HUWE1: variants seen among roughly 807,000 people sequenced by gnomAD.
HUWE1 encodes the protein HECT, UBA and WWE domain containing E3 ubiquitin protein ligase 1.
In HUWE1, 18 loss-of-function variants were observed where a neutral mutation model predicts 299.4. The observed-to-expected ratio is 0.06, with a 90% CI of 0.04 to 0.09. The LOEUF is 0.09. HUWE1 is among the 10% of genes least tolerant of loss of function. The pLI, the probability that HUWE1 is intolerant of heterozygous loss-of-function variation, is 1.00. For missense variants in HUWE1, 1,832 were observed against 3,462.3 expected, an observed-to-expected ratio of 0.53 and a Z score of 11.82; for synonymous variants, 1,317 against 1,286.1, an observed-to-expected ratio of 1.02 and a Z score of -0.51.
rs782797754 is a variant in HUWE1, at chrX:53,616,016, G to C, written c.1958-181C>G. On this transcript the variant is annotated intron_variant, in intron 21 of 83. Transcript: ENST00000262854. ...GTGTCACGATCTCCTGGACTCAAGC[G>C]ATCCTCCCACCTCAGCCCTCCAAGT... 3.6e-5 allele frequency among the ~76,000 whole-genome samples: 4 copies of C among 110,952 alleles called. No individual in the cohort carries two copies. In the South Asian group the frequency reaches 1.5e-3, roughly 43 times the overall value.
In HUWE1 at chrX:53,580,987, T is replaced by C. The variant is rs781894022; in HGVS notation, c.5560A>G (p.Thr1854Ala). ...AGGCTGCCAGACACAACACCAGAGG[T>C]AGTGCTACCAGCTCCACTTGTAGCT... ...SAATSGAGST[T>A]SGVVSGSLGS... Residue 1854 changes from threonine (T) to alanine (A), a missense_variant, in exon 43 of 84, where the codon ACC becomes GCC. This residue lies in a region of HUWE1 where 50 missense variants were observed against 114.9 expected (regional missense o/e 0.44). Coordinates refer to ENST00000262854, the MANE Select transcript of HUWE1 (RefSeq NM_031407.7). The C allele has an allele frequency of 5.0e-6, 6 of 1,207,420 alleles. No homozygotes were observed. The highest frequency in any genetic ancestry group is 3.5e-5 in the African/African-American group (2 of 56,986).
At chrX:53,672,001 C>G (rs1451411650) in intron 3 of HUWE1, among the ~76,000 whole-genome samples, 2 of 107,741 alleles carry the variant, frequency 1.9e-5, no homozygotes, top group Non-Finnish European at 3.8e-5. Flanking sequence ...TAAATAAATT[C>G]TGCATACAAT....
intron 25 of HUWE1, among the ~76,000 whole-genome samples, chrX:53,606,749 C>G (rs781787455): frequency 1.8e-5 from 2 of 111,303 alleles, no homozygotes; most frequent in African/African-American, 6.5e-5. Flanking sequence ...TTTTATGATC[C>G]CACTTATATA....
chrX:53,629,445 A>G (rs1279857958), intron 13 of HUWE1, 71 bp downstream of exon 13: 12 of 699,700 alleles, frequency 1.7e-5, no homozygotes, highest in Non-Finnish European at 2.5e-5. Context: ...CCCCCAAAAA[A>G]GTCTCAAATC....
Position 53,573,851 on chromosome X carries a change from T to G in HUWE1, c.6211A>C (p.Ile2071Leu), listed in dbSNP as rs782598182. 1 of 1,210,418 alleles carries G rather than the reference T, an allele frequency of 8.3e-7. No individual in the cohort carries two copies. Among genetic ancestry groups the G allele is most frequent in the Non-Finnish European group, 1.1e-6 (1 of 894,185 alleles). Reference protein sequence around the residue: ...GSKPLMPTSTILRLLAELVRS... With the variant: ...GSKPLMPTSTLLRLLAELVRS... ...ACCAACTCTGCCAGAAGACGAAGGA[T>G]AGTGGAGGTAGGCATTAAAGGTTTG... The change falls in exon 47 of 84, where the codon ATC (isoleucine) becomes CTC (leucine). Residue 2071 changes from isoleucine (I) to leucine (L), a missense_variant. Ile to Leu is a conservative substitution (Grantham distance 5). Transcript: ENST00000262854.
chrX:53,617,189 T>A (rs1011074148), intron 20 of HUWE1, 42 bp from the exon 21 acceptor site: 3 of 1,149,946 alleles, frequency 2.6e-6, no homozygotes, highest in Admixed American at 4.5e-5. Context: ...TCTAAAAGAG[T>A]GTAGATGCTA....
intron 39 of HUWE1, among the ~76,000 whole-genome samples, chrX:53,585,731 G>A (rs943681398): frequency 2.1e-4 from 24 of 111,786 alleles, no homozygotes; most frequent in African/African-American, 7.8e-4. Context: ...ACCTAGGCTG[G>A]AGTGCAGTGA....
In HUWE1 at chrX:53,638,354, C is replaced by CA. The variant is rs1305083040; in HGVS notation, c.505-4057dup. 7.1e-4 allele frequency among the ~76,000 whole-genome samples: 76 copies of CA among 106,473 alleles called. No individual in the cohort carries two copies. The South Asian group carries it at 7.9e-3, about 11-fold the overall frequency. The allele number at this position is 106,473 out of a possible 115,157, so 92.5% of individuals were successfully genotyped here. A position where few individuals can be genotyped will look rare whatever the true frequency, so the allele number is the denominator to read the frequency against. The stretch of plus-strand genomic sequence containing the variant: ...GACTCCGTCTCAAAAAAACAAAAAA[C>CA]AAAAAAAAAATACATAAGTAACTTC... On this transcript the variant is annotated intron_variant, in intron 7 of 83. Coordinates refer to ENST00000262854, the MANE Select transcript of HUWE1 (RefSeq NM_031407.7).
At chrX:53,662,561 C>T (rs2149442340) in intron 3 of HUWE1, among the ~76,000 whole-genome samples, 1 of 112,074 alleles carries the variant, frequency 8.9e-6, no homozygotes, top group African/African-American at 3.2e-5. Context: ...TAACAAGTAT[C>T]AACTGTAATT....
At position 53,624,638 on chromosome X, in the gene HUWE1, G is replaced by T. The variant is rs1557015414; in HGVS notation, c.1629C>A (p.Ile543=). Residue 543 remains isoleucine, a synonymous_variant, in exon 19 of 84, where the codon ATC becomes ATA. Transcript: ENST00000262854. ...DGSLPTSLKH[I]ISNAEYYGPS... ...GGCCATAGTATTCTGCATTGCTGAT[G>T]ATGTGTTTCAGGGAGGTAGGCAGAG... 8.3e-7 allele frequency: 1 copy of T among 1,206,247 alleles called. No individual in the cohort carries two copies. The highest frequency in any genetic ancestry group is 1.8e-5 in the South Asian group (1 of 56,869).
chrX:53,683,128 C>T (rs782654881), intron 2 of HUWE1, among the ~76,000 whole-genome samples: 6 of 111,284 alleles, frequency 5.4e-5, no homozygotes, highest in Admixed American at 1.9e-4. Context: ...AAGGGGGAGA[C>T]AGAGCGGGCT....
intron 29 of HUWE1, among the ~76,000 whole-genome samples, chrX:53,596,690 C>T (rs1023174451): frequency 7.1e-5 from 8 of 111,985 alleles, no homozygotes; most frequent in Non-Finnish European, 1.3e-4. Context: ...TCATGGTTCT[C>T]GCATTGTTTT....
At chrX:53,596,428 C>T (rs1431383428) in intron 29 of HUWE1, among the ~76,000 whole-genome samples, 1 of 112,249 alleles carries the variant, frequency 8.9e-6, no homozygotes, top group Non-Finnish European at 1.9e-5. Flanking sequence ...AAAATATACA[C>T]AAATTATAAA....
chrX:53,645,737 ATATATATATATATATATATATATAT>A (rs1386406891), intron 6 of HUWE1, among the ~76,000 whole-genome samples: 9 of 38,309 alleles, frequency 2.3e-4, no homozygotes, highest in Non-Finnish European at 3.2e-4. Context: ...AAAAAAAAAA[ATATATATATATATATATATATATAT>A]ATATATATAT....
intron 23 of HUWE1, among the ~76,000 whole-genome samples, chrX:53,614,034 G>A (rs1476535853): frequency 8.9e-6 from 1 of 111,954 alleles, no homozygotes; most frequent in Non-Finnish European, 1.9e-5. Flanking sequence ...GGAAGCCGAG[G>A]TGGGTAGATC....
In HUWE1 at chrX:53,647,548, C is replaced by A. The variant is rs982748296; in HGVS notation, c.171G>T (p.Leu57=). The A allele has an allele frequency of 6.6e-6, 8 of 1,205,608 alleles. No homozygotes were observed. The highest frequency in any genetic ancestry group is 3.0e-5 in the East Asian group (1 of 33,832). The change falls in exon 6 of 84, where the codon CTG becomes CTT. Residue 57 remains leucine, a synonymous_variant. Transcript: ENST00000262854. ...GKCELYHWVD[L]LDRFDGILAD... Reference sequence around the variant, plus strand: ...CCAGTATTCCATCGAAGCGGTCCAACAGGTCCACCCAGTGATATAACTCGC... The same window carrying A: ...CCAGTATTCCATCGAAGCGGTCCAAAAGGTCCACCCAGTGATATAACTCGC...
At chrX:53,568,482 GA>G (rs1170922425) in intron 49 of HUWE1, among the ~76,000 whole-genome samples, 5 of 108,518 alleles carry the variant, frequency 4.6e-5, no homozygotes, top group Non-Finnish European at 7.7e-5. Flanking sequence ...GGGGAAGCTT[GA>G]AAAAAAAATC....
In HUWE1 at chrX:53,533,990, C is replaced by T. The variant is rs189887858; in HGVS notation, c.13022+17G>A. ...CAACCTAAGCACTGAAAAGGAGAAA[C>T]AAACCCTTCCTTTTACCATGTGTGA... On this transcript the variant is annotated intron_variant, in intron 83 of 83. Transcript: ENST00000262854. 152 of 1,198,459 alleles carry T rather than the reference C, an allele frequency of 1.3e-4. No individual in the cohort carries two copies. The East Asian group carries it at 2.0e-3, about 16-fold the overall frequency.
At chrX:53,653,605 T>C (rs1358837382) in intron 4 of HUWE1, among the ~76,000 whole-genome samples, 4 of 112,286 alleles carry the variant, frequency 3.6e-5, no homozygotes, top group Non-Finnish European at 7.5e-5. Context: ...TTAAGCTGAA[T>C]TGTGTGATTA....
Sources: gnomAD v4.1 joint callset for allele counts (sites outside exome capture counted in the v4.1 genomes callset) on GRCh38, gnomAD v4.1.1 for gene constraint, gnomAD v4.1.1 regional missense constraint, MANE v1.5 for transcripts, NCBI Gene and HGNC (gene_info 2026-07-23, HGNC 2026-07-21) for gene names.